Variants in PLCB1 observed in about 807,000 individuals in gnomAD.
PLCB1 encodes phospholipase C beta 1, also known as 1-phosphatidylinositol 4,5-bisphosphate phosphodiesterase beta-1.
In PLCB1, 46 loss-of-function variants were observed where a neutral mutation model predicts 161.8. The observed-to-expected ratio is 0.28, with a 90% CI of 0.22 to 0.36. The LOEUF (loss-of-function observed/expected upper bound fraction) is 0.36. Ranked by LOEUF, PLCB1 falls within the 10% of genes least tolerant of loss-of-function variation. The pLI is 1.00. For missense variants in PLCB1, 1,016 were observed against 1,472.5 expected (o/e 0.69, Z 5.07); for synonymous variants, 517 against 503.7 (o/e 1.03, Z -0.35).
chr20:8,709,689 A>G (rs1250714097), intron 12 of PLCB1, among the ~76,000 whole-genome samples: 1 of 152,214 alleles, frequency 6.6e-6, no homozygotes, highest in Non-Finnish European at 1.5e-5. Context: ...CAACTTGAAG[A>G]ATTTCTAAGT....
At chr20:8,567,656 A>G (rs1986379633) in intron 3 of PLCB1, among the ~76,000 whole-genome samples, 1 of 152,156 alleles carries the variant, frequency 6.6e-6, no homozygotes, top group Admixed American at 6.5e-5. Context: ...TCGAAACTTC[A>G]TTGCTGATCA....
chr20:8,533,030 T>G (rs572322786), intron 3 of PLCB1, among the ~76,000 whole-genome samples: 1 of 112,752 alleles, frequency 8.9e-6, no homozygotes, highest in Admixed American at 1.2e-4. Context: ...TACCCCACAA[T>G]AGTCCCCAGA....
In PLCB1 at chr20:8,620,747, CA is replaced by C. The variant is rs779029928; in HGVS notation, c.247-7525del. Among the ~76,000 whole-genome samples, 360 of 75,248 alleles carry C rather than the reference CA, an allele frequency of 4.8e-3. 1 individual carries two copies. The highest frequency in any genetic ancestry group is 0.021 in the Middle Eastern group (2 of 94). The allele number at this position is 75,248 out of a possible 152,430, so 49.4% of individuals were successfully genotyped here. On this transcript the variant is annotated intron_variant, in intron 3 of 31. Coordinates refer to ENST00000338037, the MANE Select transcript of PLCB1 (RefSeq NM_015192.4). ...GAGAAACTCTGTCCCCTGCCCCCAC[CA>C]AAAAAAAAAAAAAAAAAAAAAGAAA... is the stretch of plus-strand genomic sequence containing the variant.
At chr20:8,554,559 A>G (rs1489105819) in intron 3 of PLCB1, among the ~76,000 whole-genome samples, 7 of 152,158 alleles carry the variant, frequency 4.6e-5, no homozygotes, top group Admixed American at 4.6e-4. Flanking sequence ...AGACAAGGAA[A>G]TATTCTGCAG....
chr20:8,418,059 A>T (rs1979379422), intron 3 of PLCB1, among the ~76,000 whole-genome samples: 1 of 152,230 alleles, frequency 6.6e-6, no homozygotes. Flanking sequence ...GATCACCAGC[A>T]TCTTCTGTGG....
intron 3 of PLCB1, among the ~76,000 whole-genome samples, chr20:8,496,841 T>C (rs1983198741): frequency 6.6e-6 from 1 of 152,196 alleles, no homozygotes. Flanking sequence ...AAACTCCTAA[T>C]GATACTTTAA....
intron 3 of PLCB1, among the ~76,000 whole-genome samples, chr20:8,541,596 G>GAAAGAAAT (rs1555769067): frequency 1.3e-5 from 2 of 150,426 alleles, no homozygotes; most frequent in Non-Finnish European, 3.0e-5. Flanking sequence ...AAGAAAGAAA[G>GAAAGAAAT]AAAGAAAGAA....
chr20:8,264,078 C>T (rs1233870468), intron 2 of PLCB1, among the ~76,000 whole-genome samples: 1 of 152,152 alleles, frequency 6.6e-6, no homozygotes, highest in Non-Finnish European at 1.5e-5. Flanking sequence ...ACACATTGTA[C>T]AACTGTACAA....
chr20:8,750,183 G>A (rs1053638487), intron 23 of PLCB1, among the ~76,000 whole-genome samples: 2 of 152,170 alleles, frequency 1.3e-5, no homozygotes, highest in South Asian at 4.1e-4. Context: ...ATGACACACA[G>A]CCATGCTGTG....
At chr20:8,229,670 A>G (rs1600248014) in intron 2 of PLCB1, among the ~76,000 whole-genome samples, 2 of 151,924 alleles carry the variant, frequency 1.3e-5, no homozygotes, top group East Asian at 3.9e-4. Context: ...GACCCTTGCT[A>G]CTTACAGAGT....
At chr20:8,476,020 A>G (rs551325166) in intron 3 of PLCB1, among the ~76,000 whole-genome samples, 4 of 152,166 alleles carry the variant, frequency 2.6e-5, no homozygotes, top group Non-Finnish European at 5.9e-5. Flanking sequence ...AACAGACTCC[A>G]GGGATGCAGA....
chr20:8,875,163 T>C lies in PLCB1; in HGVS notation c.3424-6459T>C, dbSNP rs970351960. On this transcript the variant is annotated intron_variant, in intron 31 of 31. Coordinates refer to ENST00000338037, the MANE Select transcript of PLCB1 (RefSeq NM_015192.4). ...ATTTCTTTTCCTATGAATTGCTTTA[T>C]TTATGCTCATTTTTCAGAGAAATGG... is the stretch of plus-strand genomic sequence containing the variant. Among the ~76,000 whole-genome samples the C allele has an allele frequency of 3.3e-5, 5 of 151,366 alleles. No individual in the cohort carries two copies. The East Asian group carries it at 7.7e-4, about 23-fold the overall frequency.
At chr20:8,709,400 T>C (rs1978870554) in intron 12 of PLCB1, among the ~76,000 whole-genome samples, 1 of 152,246 alleles carries the variant, frequency 6.6e-6, no homozygotes, top group Admixed American at 6.5e-5. Flanking sequence ...TAGTTTATCA[T>C]GTAGTTACTT....
intron 3 of PLCB1, among the ~76,000 whole-genome samples, chr20:8,443,858 CT>C (rs966902039): frequency 2.0e-5 from 3 of 152,196 alleles, no homozygotes; most frequent in Admixed American, 6.5e-5. Flanking sequence ...TCTTCCACCC[CT>C]ACCCCAATTC....
chr20:8,839,497 G>C (rs1022521207), intron 31 of PLCB1, among the ~76,000 whole-genome samples: 1 of 152,030 alleles, frequency 6.6e-6, no homozygotes, highest in African/African-American at 2.4e-5. Context: ...CAGATCCAGT[G>C]GTGTCTAGAT....
At chr20:8,295,363 G>T (rs954010705) in intron 2 of PLCB1, among the ~76,000 whole-genome samples, 3 of 151,950 alleles carry the variant, frequency 2.0e-5, no homozygotes, top group Non-Finnish European at 4.4e-5. Context: ...TAGGAGGAAA[G>T]GTTTCTTTGG....
intron 2 of PLCB1, among the ~76,000 whole-genome samples, chr20:8,218,414 G>C (rs1222011838): frequency 6.6e-6 from 1 of 152,052 alleles, no homozygotes; most frequent in Non-Finnish European, 1.5e-5. Flanking sequence ...AGAAGCATTA[G>C]TACACAGAAA....
chr20:8,689,105 T>A (rs1600252897), intron 10 of PLCB1, among the ~76,000 whole-genome samples: 3 of 151,226 alleles, frequency 2.0e-5, no homozygotes, highest in Admixed American at 2.0e-4. Flanking sequence ...TTTTTGCAGC[T>A]ATTGTAAAAG....
rs143437876 is a variant in PLCB1 at position 8,140,870 on chromosome 20, C to A, written c.99+8120C>A. Among the ~76,000 whole-genome samples the A allele has an allele frequency of 6.8e-3, 1,038 of 152,076 alleles. 34 individuals are homozygous for A. Among genetic ancestry groups the A allele is most frequent in the East Asian group, 0.04 (205 of 5,174 alleles). On this transcript the variant is annotated intron_variant, in intron 1 of 31. Transcript: ENST00000338037. ...CTGGAGTGCAATGGCGCAATCTCGG[C>A]TCACCGCAACCTCTGCCTCCCCGGT...
Sources: allele counts gnomAD v4.1 joint callset (sites outside exome capture counted in the v4.1 genomes callset), GRCh38; gene constraint gnomAD v4.1.1; transcripts MANE v1.5; gene names NCBI Gene and HGNC (gene_info 2026-07-23, HGNC 2026-07-21).